The following DMXL2 variants were observed in gnomAD, a reference collection of about 807,000 sequenced individuals.
DMXL2 encodes the protein Dmx like 2.
Under a neutral mutation model 331.1 loss-of-function variants are expected in DMXL2, and 103 were observed. That is an observed-to-expected ratio of 0.31 (90% CI 0.27 to 0.37). The LOEUF (loss-of-function observed/expected upper bound fraction) is 0.37. Among genes scored for constraint, DMXL2 ranks in the 10% least tolerant of loss-of-function variants. DMXL2 has a pLI of 1.00. For synonymous variants in DMXL2, 1,281 were observed against 1,252.1 expected, an observed-to-expected ratio of 1.02 and a Z score of -0.49; for missense variants, 3,171 against 3,642.9, an observed-to-expected ratio of 0.87 and a Z score of 3.33.
At position 51,536,691 on chromosome 15, in the gene DMXL2, T is replaced by G. The variant is rs1433735868; in HGVS notation, c.1789A>C (p.Arg597=). ...GSPHGSQPHS[R]SHSTHMNILA... is the part of the protein sequence containing the mutation. ...ATGTTCATATGTGTACTGTGGGATC[T>G]AGAGTGTGGCTGTGATCCGTGAGGA... Residue 597 remains arginine (R), a synonymous_variant, in exon 12 of 44, where the codon AGA becomes CGA. Coordinates refer to ENST00000560891, the MANE Select transcript of DMXL2 (RefSeq NM_001378457.1). The G allele has an allele frequency of 6.2e-7, 1 of 1,614,008 alleles. No homozygotes were observed. The highest frequency in any genetic ancestry group is 8.5e-7 in the Non-Finnish European group (1 of 1,180,020).
chr15:51,592,881 G>A (rs978948661), intron 1 of DMXL2, among the ~76,000 whole-genome samples: 14 of 152,110 alleles, frequency 9.2e-5, no homozygotes, highest in Non-Finnish European at 1.6e-4. Context: ...TTTTGTCACT[G>A]CCAGGCCTGC....
At chr15:51,582,301 C>G (rs1026008551) in intron 1 of DMXL2, among the ~76,000 whole-genome samples, 1 of 152,138 alleles carries the variant, frequency 6.6e-6, no homozygotes, top group Non-Finnish European at 1.5e-5. Context: ...TCAAACTCAG[C>G]CCTCTTTACT....
intron 16 of DMXL2, among the ~76,000 whole-genome samples, chr15:51,504,449 G>A (rs1459597638): frequency 6.6e-6 from 1 of 152,144 alleles, no homozygotes; most frequent in African/African-American, 2.4e-5. Flanking sequence ...AACTTCCAGT[G>A]AGTGTAAATC....
intron 13 of DMXL2, among the ~76,000 whole-genome samples, chr15:51,527,511 C>G (rs1299102724): frequency 1.3e-5 from 2 of 152,048 alleles, no homozygotes; most frequent in Non-Finnish European, 2.9e-5. Context: ...GGCAGATTGC[C>G]TGAGTTCAGG....
At chr15:51,485,289 T>C (rs2042311735) in intron 23 of DMXL2, among the ~76,000 whole-genome samples, 1 of 152,164 alleles carries the variant, frequency 6.6e-6, no homozygotes, top group South Asian at 2.1e-4. Flanking sequence ...AAAGATCCTC[T>C]CCAAGGCACA....
intron 19 of DMXL2, 72 bp from the exon 20 acceptor site, chr15:51,491,819 TC>T: frequency 7.8e-7 from 1 of 1,289,534 alleles, no homozygotes; most frequent in Admixed American, 2.6e-5. Flanking sequence ...TTTCATGCAG[TC>T]ACATACGCAT....
At chr15:51,491,858 A>G in intron 19 of DMXL2, 111 bp from the exon 20 acceptor site, 1 of 928,650 alleles carries the variant, frequency 1.1e-6, no homozygotes, top group South Asian at 2.1e-5. Context: ...TTGAAGCAGA[A>G]AGAAAGAATG....
chr15:51,451,670 T>C lies in DMXL2; in HGVS notation c.8724A>G (p.Ile2908Met). The C allele has an allele frequency of 6.2e-7, 1 of 1,613,054 alleles. No individual in the cohort carries two copies. The highest frequency in any genetic ancestry group is 1.1e-5 in the South Asian group (1 of 90,948). The change falls in exon 42 of 44, where the codon ATA becomes ATG. Residue 2908 changes from isoleucine to methionine, a missense_variant. Physicochemically the swap from Ile to Met is conservative, Grantham distance 10. This residue lies in a region of DMXL2 where 766 missense variants were observed against 940.5 expected (regional missense o/e 0.81). Coordinates refer to ENST00000560891, the MANE Select transcript of DMXL2 (RefSeq NM_001378457.1). ...NRNVCLWDTL[I>M]SPGNSLIHGF... ...CATGAATGAGGCTGTTTCCGGGTGA[T>C]ATTAATGTGTCCCAGAGGCAAACAT...
At chr15:51,562,139 A>G (rs2050010738) in intron 6 of DMXL2, among the ~76,000 whole-genome samples, 1 of 152,234 alleles carries the variant, frequency 6.6e-6, no homozygotes, top group South Asian at 2.1e-4. Context: ...ACACAAAAAG[A>G]GATAAACATT....
At chr15:51,497,508 AATATG>A (rs1384226689) in intron 18 of DMXL2, among the ~76,000 whole-genome samples, 1 of 152,230 alleles carries the variant, frequency 6.6e-6, no homozygotes, top group Non-Finnish European at 1.5e-5. Flanking sequence ...GTGATAATTA[AATATG>A]ATAAAGTAAA....
At chr15:51,451,792 T>A in intron 41 of DMXL2, 95 bp from the exon 42 acceptor site, 1 of 1,092,878 alleles carries the variant, frequency 9.2e-7, no homozygotes, top group Middle Eastern at 2.9e-4. Flanking sequence ...ATTTTGCTTA[T>A]TCATTCTTAT....
intron 13 of DMXL2, among the ~76,000 whole-genome samples, chr15:51,518,734 G>A (rs2047176645): frequency 6.6e-6 from 1 of 152,058 alleles, no homozygotes. Flanking sequence ...CCCCTCACAA[G>A]AATAGTTATG....
chr15:51,568,313 C>CT, intron 3 of DMXL2, 174 bp downstream of exon 3: 2 of 511,526 alleles, frequency 3.9e-6, no homozygotes, highest in Non-Finnish European at 6.9e-6. Context: ...TCTAAAAGCA[C>CT]TAGGGATGTA....
Position 51,536,528 on chromosome 15 carries a change from A to G in DMXL2, c.1952T>C (p.Phe651Ser), listed in dbSNP as rs2048297097. The G allele has an allele frequency of 6.2e-7, 1 of 1,613,804 alleles. No individual in the cohort carries two copies. Among genetic ancestry groups the G allele is most frequent in the African/African-American group, 1.3e-5 (1 of 74,930 alleles). The change falls in exon 12 of 44, where the codon TTT becomes TCT. Residue 651 changes from phenylalanine (F) to serine (S), a missense_variant. Transcript: ENST00000560891. ...SHKFRYCGHR[F>S]HLNDLACHSV... is the part of the protein sequence containing the mutation. ...ATGACATGCCAGGTCATTGAGGTGAAATCGATGACCGCAATATCTAAATTT... is the reference window on the plus strand; with the variant it reads ...ATGACATGCCAGGTCATTGAGGTGAGATCGATGACCGCAATATCTAAATTT...
chr15:51,457,535 C>A, intron 36 of DMXL2, 69 bp from the exon 37 acceptor site: 4 of 1,552,498 alleles, frequency 2.6e-6, no homozygotes, highest in South Asian at 1.2e-5. Context: ...AACTAAAAAT[C>A]TTCTTATGTA....
chr15:51,502,632 T>G lies in DMXL2; in HGVS notation c.2992+174A>C, dbSNP rs79975396. On this transcript the variant is annotated intron_variant, in intron 17 of 43. Transcript: ENST00000560891. ...GCCACCGCACCCAGCCAGGAAATTA[T>G]TTCTAATAAAGACATGTTTCTAACC... Among the ~76,000 whole-genome samples the G allele has an allele frequency of 3.8e-3, 572 of 152,302 alleles. 3 individuals carry two copies. The highest frequency in any genetic ancestry group is 0.013 in the African/African-American group (554 of 41,554).
chr15:51,520,856 C>CAAAA (rs1182492591), intron 13 of DMXL2, among the ~76,000 whole-genome samples: 1 of 151,866 alleles, frequency 6.6e-6, no homozygotes, highest in Non-Finnish European at 1.5e-5. Context: ...GATTCAGACT[C>CAAAA]AAAATAAATA....
chr15:51,604,790 T>C (rs1365807230), intron 1 of DMXL2, among the ~76,000 whole-genome samples: 1 of 152,052 alleles, frequency 6.6e-6, no homozygotes, highest in Middle Eastern at 3.4e-3. Context: ...ACTAAAACAA[T>C]TGTAAAAAAA....
chr15:51,596,933 A>AG (rs1213701794), intron 1 of DMXL2, among the ~76,000 whole-genome samples: 5 of 151,928 alleles, frequency 3.3e-5, no homozygotes, highest in Non-Finnish European at 5.9e-5. Flanking sequence ...AGGTGGGAGG[A>AG]GGGGGGTGGG....
Sources: allele counts gnomAD v4.1 joint callset (sites outside exome capture counted in the v4.1 genomes callset), GRCh38; gene constraint gnomAD v4.1.1; regional missense constraint gnomAD v4.1.1; transcripts MANE v1.5; gene names NCBI Gene and HGNC (gene_info 2026-07-23, HGNC 2026-07-21).